SPAG16: variants seen among roughly 807,000 people sequenced by gnomAD.
The protein encoded by SPAG16 is sperm associated antigen 16.
In SPAG16, 86 loss-of-function variants were observed where a neutral mutation model predicts 80.4. The ratio of observed to expected loss-of-function variants is 1.07; its 90% confidence interval spans 0.90 to 1.28. The LOEUF (loss-of-function observed/expected upper bound fraction) is 1.28, where lower values mean the gene tolerates loss of function less well. SPAG16 is among the 50% of genes most tolerant of loss of function. SPAG16 has a pLI of 0.00. For missense variants in SPAG16, 870 were observed against 765.3 expected, an observed-to-expected ratio of 1.14 and a Z score of -1.61; for synonymous variants, 294 against 265.9, an observed-to-expected ratio of 1.11 and a Z score of -1.03.
chr2:214,169,032 T>C (rs2056776838), intron 15 of SPAG16, among the ~76,000 whole-genome samples: 1 of 152,154 alleles, frequency 6.6e-6, no homozygotes, highest in Non-Finnish European at 1.5e-5. Context: ...GTGTATGATA[T>C]ATCCCAATGT....
rs149457515 is a variant in SPAG16 at position 213,602,067 on chromosome 2, C to T, written c.1070+111977C>T. Among the ~76,000 whole-genome samples, 6 of 152,298 alleles carry T rather than the reference C, an allele frequency of 3.9e-5. No individual in the cohort carries two copies. In the South Asian group the frequency reaches 8.3e-4, roughly 21 times the overall value. On this transcript the variant is annotated intron_variant, in intron 10 of 15. Transcript: ENST00000331683. The stretch of plus-strand genomic sequence containing the variant: ...ATGCCACTACTGATCTGACAGGAAG[C>T]GGAGCTCAGGCAGTAATGCTCACCC...
chr2:213,469,700 A>G (rs2072964573), intron 9 of SPAG16, among the ~76,000 whole-genome samples: 1 of 150,668 alleles, frequency 6.6e-6, no homozygotes, highest in East Asian at 2.0e-4. Flanking sequence ...ATCACAGGGC[A>G]TGGTAATACT....
At chr2:214,112,557 G>A (rs530427911) in intron 14 of SPAG16, among the ~76,000 whole-genome samples, 26 of 150,852 alleles carry the variant, frequency 1.7e-4, no homozygotes, top group East Asian at 7.8e-4. Context: ...TCCCTTTACC[G>A]TTATGTAATG....
At chr2:213,367,394 C>T (rs2066365141) in intron 8 of SPAG16, among the ~76,000 whole-genome samples, 1 of 152,224 alleles carries the variant, frequency 6.6e-6, no homozygotes, top group African/African-American at 2.4e-5. Flanking sequence ...AACTAGTTTA[C>T]AGTCCCACCA....
chr2:213,830,488 A>G (rs575648024), intron 10 of SPAG16, among the ~76,000 whole-genome samples: 2 of 152,298 alleles, frequency 1.3e-5, no homozygotes, highest in African/African-American at 4.8e-5. Context: ...GTTCTTATAA[A>G]GGTGGTTTTT....
At chr2:213,787,226 A>G (rs562455276) in intron 10 of SPAG16, among the ~76,000 whole-genome samples, 1 of 152,260 alleles carries the variant, frequency 6.6e-6, no homozygotes, top group South Asian at 2.1e-4. Context: ...ACTTAAAATA[A>G]TAATAAAGAA....
chr2:213,603,187 T>C (rs2061128297), intron 10 of SPAG16, among the ~76,000 whole-genome samples: 1 of 152,256 alleles, frequency 6.6e-6, no homozygotes, highest in African/African-American at 2.4e-5. Flanking sequence ...TCAAAATCTG[T>C]CCACCTCTAG....
chr2:213,574,995 G>A (rs528069770), intron 10 of SPAG16, among the ~76,000 whole-genome samples: 58 of 151,834 alleles, frequency 3.8e-4, no homozygotes, highest in Non-Finnish European at 6.8e-4. Flanking sequence ...TTTCCCTTTC[G>A]TCTACTTCTT....
intron 15 of SPAG16, among the ~76,000 whole-genome samples, chr2:214,194,036 C>T (rs1354748871): frequency 6.6e-6 from 1 of 152,016 alleles, no homozygotes; most frequent in African/African-American, 2.4e-5. Context: ...TTATATAATA[C>T]TCAACTATTA....
chr2:213,721,276 T>C (rs772636521), intron 10 of SPAG16, among the ~76,000 whole-genome samples: 51 of 151,722 alleles, frequency 3.4e-4, no homozygotes, highest in Non-Finnish European at 6.3e-4. Context: ...TTTTTGTATT[T>C]TTAGTAGAGA....
intron 10 of SPAG16, among the ~76,000 whole-genome samples, chr2:213,695,365 T>C (rs934513515): frequency 8.5e-5 from 13 of 152,198 alleles, no homozygotes; most frequent in African/African-American, 2.9e-4. Context: ...TCAACTATGC[T>C]TATTATACTA....
intron 10 of SPAG16, among the ~76,000 whole-genome samples, chr2:213,677,075 A>G (rs948213464): frequency 1.6e-4 from 25 of 152,134 alleles, no homozygotes; most frequent in Non-Finnish European, 3.4e-4. Context: ...TTATTGGTCT[A>G]TTCAGAGATT....
chr2:213,720,872 G>A (rs532032912), intron 10 of SPAG16, among the ~76,000 whole-genome samples: 1 of 146,746 alleles, frequency 6.8e-6, no homozygotes, highest in South Asian at 2.2e-4. Flanking sequence ...CAGTCTCCCA[G>A]TTAGCTGGGA....
chr2:213,388,286 A>G (rs1373524322), intron 9 of SPAG16, among the ~76,000 whole-genome samples: 1 of 152,186 alleles, frequency 6.6e-6, no homozygotes, highest in Non-Finnish European at 1.5e-5. Flanking sequence ...GGTTATAGCA[A>G]TTGTTGTTTT....
chr2:213,960,749 C>T lies in SPAG16; in HGVS notation c.1400+30604C>T, dbSNP rs74360124. 5.4e-3 allele frequency among the ~76,000 whole-genome samples: 820 copies of T among 152,102 alleles called. 4 individuals carry two copies. The highest frequency in any genetic ancestry group is 0.018 in the African/African-American group (726 of 41,482). ...CTAAATGTCTTTAATGTCTGATGCCCAAGAGGGGAAAAAGAGAAAAATGAA... is the reference window on the plus strand; with the variant it reads ...CTAAATGTCTTTAATGTCTGATGCCTAAGAGGGGAAAAAGAGAAAAATGAA... On this transcript the variant is annotated intron_variant, in intron 12 of 15. Transcript: ENST00000331683.
intron 15 of SPAG16, among the ~76,000 whole-genome samples, chr2:214,384,037 T>C (rs1700610830): frequency 6.6e-6 from 1 of 152,234 alleles, no homozygotes; most frequent in Non-Finnish European, 1.5e-5. Context: ...AGAACGCTTA[T>C]GATAGCATTG....
intron 12 of SPAG16, among the ~76,000 whole-genome samples, chr2:213,949,890 C>CA (rs142145629): frequency 0.011 from 1,618 of 152,272 alleles, 37 homozygotes; most frequent in African/African-American, 0.036. Flanking sequence ...GCTCCTTTGG[C>CA]AAATCTTTCC....
chr2:214,384,817 G>A (rs1403784035), intron 15 of SPAG16, among the ~76,000 whole-genome samples: 5 of 152,214 alleles, frequency 3.3e-5, no homozygotes, highest in Admixed American at 3.3e-4. Flanking sequence ...GAAGTCATAT[G>A]TAGGAGAGAG....
At chr2:213,597,840 A>C (rs2060935009) in intron 10 of SPAG16, among the ~76,000 whole-genome samples, 1 of 152,174 alleles carries the variant, frequency 6.6e-6, no homozygotes, top group African/African-American at 2.4e-5. Context: ...ATGCAAAGCT[A>C]TATTTTATGG....
Sources: gnomAD v4.1 joint callset for allele counts (sites outside exome capture counted in the v4.1 genomes callset) on GRCh38, gnomAD v4.1.1 for gene constraint, MANE v1.5 for transcripts, NCBI Gene and HGNC (gene_info 2026-07-23, HGNC 2026-07-21) for gene names.